The following IGSF21 variants were observed in gnomAD, a reference collection of about 807,000 sequenced individuals.
IGSF21 encodes immunoglobin superfamily member 21.
IGSF21 carries 28 observed loss-of-function variants against 46.8 expected under a neutral mutation model. The ratio of observed to expected loss-of-function variants is 0.60; its 90% CI spans 0.44 to 0.82. The LOEUF (loss-of-function observed/expected upper bound fraction) is 0.82. IGSF21 is among the 40% of genes least tolerant of loss of function. IGSF21 has a pLI of 0.00. For synonymous variants in IGSF21, 284 were observed against 273.6 expected, an observed-to-expected ratio of 1.04 and a Z score of -0.38; for missense variants, 624 against 665.5, an observed-to-expected ratio of 0.94 and a Z score of 0.69.
rs1218752240 is a variant in IGSF21, at chr1:18,310,611, G to T, written c.305+18624G>T. ...ATCCCTTGGAGAGGACGTGTGGGGT[G>T]CAGGGAAGGCAAATGTTCAGCTTTC... On this transcript the variant is annotated intron_variant, in intron 3 of 9. Coordinates refer to ENST00000251296, the MANE Select transcript of IGSF21 (RefSeq NM_032880.5). 2.6e-5 allele frequency among the ~76,000 whole-genome samples: 4 copies of T among 152,192 alleles called. No homozygotes were observed. In the East Asian group the frequency reaches 7.7e-4, roughly 29 times the overall value.
chr1:18,336,764 G>T (rs887031179), intron 4 of IGSF21, among the ~76,000 whole-genome samples: 4 of 152,096 alleles, frequency 2.6e-5, no homozygotes, highest in Non-Finnish European at 4.4e-5. Context: ...TTTTCATGTT[G>T]CTGATAAAGA....
intron 7 of IGSF21, 90 bp downstream of exon 7, chr1:18,376,485 C>G: frequency 1.0e-6 from 1 of 961,640 alleles, no homozygotes; most frequent in East Asian, 2.4e-5. Context: ...CTCTCTAACA[C>G]TCTTCCTTTG....
chr1:18,257,850 C>A (rs11808156), intron 2 of IGSF21, among the ~76,000 whole-genome samples: 1 of 152,308 alleles, frequency 6.6e-6, no homozygotes, highest in Non-Finnish European at 1.5e-5. Flanking sequence ...GGTAGAATGA[C>A]ATGGGAAACT....
chr1:18,348,633 T>A (rs545013194), intron 4 of IGSF21, among the ~76,000 whole-genome samples: 1 of 152,232 alleles, frequency 6.6e-6, no homozygotes, highest in East Asian at 1.9e-4. Flanking sequence ...GAAGTGGAAG[T>A]TACAGGTGTT....
intron 3 of IGSF21, among the ~76,000 whole-genome samples, chr1:18,315,354 C>G (rs1472906919): frequency 6.6e-6 from 1 of 152,184 alleles, no homozygotes; most frequent in East Asian, 1.9e-4. Context: ...CCTCTGGGAA[C>G]TCCTCACACT....
chr1:18,238,390 G>C (rs2084692785), intron 2 of IGSF21, among the ~76,000 whole-genome samples: 1 of 152,222 alleles, frequency 6.6e-6, no homozygotes, highest in Non-Finnish European at 1.5e-5. Flanking sequence ...AGCTCAGTCA[G>C]CCTGGATTTG....
At chr1:18,370,005 C>T (rs2086208908) in intron 6 of IGSF21, among the ~76,000 whole-genome samples, 1 of 152,174 alleles carries the variant, frequency 6.6e-6, no homozygotes, top group African/African-American at 2.4e-5. Context: ...ACTCTTCCCT[C>T]CTATCCCACA....
intron 4 of IGSF21, among the ~76,000 whole-genome samples, chr1:18,346,025 G>C (rs543956820): frequency 2.0e-5 from 3 of 152,336 alleles, no homozygotes; most frequent in African/African-American, 7.2e-5. Flanking sequence ...TAACAGACAA[G>C]TGAAGGGCTG....
At chr1:18,273,087 C>T (rs2085059265) in intron 2 of IGSF21, among the ~76,000 whole-genome samples, 1 of 146,318 alleles carries the variant, frequency 6.8e-6, no homozygotes, top group Non-Finnish European at 1.5e-5. Context: ...CCTCTGTTGC[C>T]CAGGCTGGAG....
rs528477652 is a variant in IGSF21, at chr1:18,225,417, A to G, written c.71-2481A>G. Among the ~76,000 whole-genome samples, 66 of 152,106 alleles carry G rather than the reference A, an allele frequency of 4.3e-4. 1 individual carries two copies. Among genetic ancestry groups the G allele is most frequent in the Middle Eastern group, 3.4e-3 (1 of 292 alleles). The stretch of plus-strand genomic sequence containing the variant: ...TACTTGCCCTCCCCGCCACCGCCAC[A>G]CTTACACTTGCAATTCCCTCATGGC... On this transcript the variant is annotated intron_variant, in intron 1 of 9. Transcript: ENST00000251296.
intron 1 of IGSF21, among the ~76,000 whole-genome samples, chr1:18,108,946 G>A (rs956427664): frequency 6.7e-6 from 1 of 150,296 alleles, no homozygotes; most frequent in African/African-American, 2.4e-5. Context: ...GTGCAGGGAG[G>A]TATGGACGCT....
At chr1:18,308,379 C>A (rs562227952) in intron 3 of IGSF21, among the ~76,000 whole-genome samples, 9 of 152,286 alleles carry the variant, frequency 5.9e-5, no homozygotes, top group African/African-American at 1.9e-4. Context: ...ACGTAGTGAG[C>A]ACCTCTGATG....
intron 1 of IGSF21, among the ~76,000 whole-genome samples, chr1:18,213,128 C>G (rs2084408947): frequency 1.3e-5 from 2 of 152,310 alleles, no homozygotes; most frequent in Admixed American, 1.3e-4. Flanking sequence ...CTCTGATATC[C>G]TGCCATGGGA....
At chr1:18,347,087 A>G (rs1477667999) in intron 4 of IGSF21, among the ~76,000 whole-genome samples, 1 of 152,184 alleles carries the variant, frequency 6.6e-6, no homozygotes, top group Non-Finnish European at 1.5e-5. Flanking sequence ...GTCATCTAGC[A>G]AGAACGGTCA....
At chr1:18,228,074 C>T (rs2084587412) in intron 2 of IGSF21, 64 bp downstream of exon 2, 1 of 1,238,650 alleles carries the variant, frequency 8.1e-7, no homozygotes, top group Non-Finnish European at 1.2e-6. Context: ...CCTCAGAGCC[C>T]TCTGGACACC....
chr1:18,231,709 A>G lies in IGSF21; in HGVS notation c.183+3699A>G, dbSNP rs575528063. ...AGCTGGTGGCCTCCATATTGGACAG[A>G]TGAAGTATAGCACGTTCCCATCACT... On this transcript the variant is annotated intron_variant, in intron 2 of 9. Transcript: ENST00000251296. 1.4e-4 allele frequency among the ~76,000 whole-genome samples: 21 copies of G among 152,314 alleles called. 1 individual carries two copies. The South Asian group carries it at 2.9e-3, about 21-fold the overall frequency.
intron 1 of IGSF21, among the ~76,000 whole-genome samples, chr1:18,196,179 C>T (rs1351097646): frequency 2.0e-5 from 3 of 152,050 alleles, no homozygotes; most frequent in Non-Finnish European, 4.4e-5. Flanking sequence ...TGAATGTGGT[C>T]GGATCTCTGT....
intron 2 of IGSF21, chr1:18,278,898 G>A: frequency 2.1e-6 from 1 of 471,726 alleles, no homozygotes; most frequent in Non-Finnish European, 4.4e-6. Context: ...ATGGGTATAT[G>A]GGTGTTTGCC....
chr1:18,130,785 C>T (rs548352076), intron 1 of IGSF21, among the ~76,000 whole-genome samples: 3 of 152,326 alleles, frequency 2.0e-5, no homozygotes, highest in African/African-American at 7.2e-5. Flanking sequence ...GACTCCAGAC[C>T]GCTTGTGGAG....
Sources: gnomAD v4.1 joint callset for allele counts (sites outside exome capture counted in the v4.1 genomes callset) on GRCh38, gnomAD v4.1.1 for gene constraint, MANE v1.5 for transcripts, NCBI Gene and HGNC (gene_info 2026-07-23, HGNC 2026-07-21) for gene names.